RCAN2: variants seen among roughly 807,000 people sequenced by gnomAD.
RCAN2 encodes regulator of calcineurin 2.
A neutral mutation model predicts 23.6 loss-of-function variants in RCAN2; 9 were observed. The observed-to-expected ratio is 0.38, with a 90% CI of 0.23 to 0.67. RCAN2 has a LOEUF of 0.67. RCAN2 is among the 30% of genes least tolerant of loss of function. The pLI, the probability that RCAN2 is intolerant of heterozygous loss-of-function variation, is 0.51. For synonymous variants in RCAN2, 109 were observed against 115.7 expected (o/e 0.94, Z 0.37); for missense variants, 273 against 302.3 (o/e 0.90, Z 0.72).
At chr6:46,447,840 G>A (rs530872081) in intron 2 of RCAN2, among the ~76,000 whole-genome samples, 25 of 151,336 alleles carry the variant, frequency 1.7e-4, no homozygotes, top group Non-Finnish European at 3.7e-4. Context: ...ATGAGATACA[G>A]CAAAATATAT....
At chr6:46,345,909 A>C (rs1764468249) in intron 2 of RCAN2, among the ~76,000 whole-genome samples, 1 of 152,180 alleles carries the variant, frequency 6.6e-6, no homozygotes. Flanking sequence ...GCTCTTTTAA[A>C]GTAAATGAAC....
chr6:46,261,232 A>G (rs963354550), intron 2 of RCAN2, among the ~76,000 whole-genome samples: 1 of 152,216 alleles, frequency 6.6e-6, no homozygotes, highest in Non-Finnish European at 1.5e-5. Flanking sequence ...AATTTGTTTA[A>G]ATATTCATTT....
intron 2 of RCAN2, among the ~76,000 whole-genome samples, chr6:46,408,085 G>A (rs1461997411): frequency 1.3e-5 from 2 of 152,156 alleles, no homozygotes; most frequent in South Asian, 2.1e-4. Flanking sequence ...AACTTCTGAG[G>A]ATTTTCTGGT....
intron 2 of RCAN2, among the ~76,000 whole-genome samples, chr6:46,329,098 C>CA (rs796670398): frequency 2.7e-4 from 40 of 150,442 alleles, no homozygotes; most frequent in Admixed American, 4.0e-4. Context: ...ATTGGTGTTC[C>CA]AAAAAAAAAG....
At chr6:46,313,848 G>C (rs1035936183) in intron 2 of RCAN2, among the ~76,000 whole-genome samples, 2 of 152,162 alleles carry the variant, frequency 1.3e-5, no homozygotes, top group Non-Finnish European at 2.9e-5. Context: ...ACTGTTGTTA[G>C]TAATATGTAA....
At chr6:46,317,130 G>A (rs986626221) in intron 2 of RCAN2, among the ~76,000 whole-genome samples, 1 of 152,174 alleles carries the variant, frequency 6.6e-6, no homozygotes, top group Non-Finnish European at 1.5e-5. Context: ...AGGTGGAGGA[G>A]CTGTCAAACC....
intron 2 of RCAN2, among the ~76,000 whole-genome samples, chr6:46,455,013 T>A (rs2150431423): frequency 6.6e-6 from 1 of 152,336 alleles, no homozygotes; most frequent in Non-Finnish European, 1.5e-5. Context: ...TCATTAAATC[T>A]CTAAGGAAAA....
At chr6:46,286,757 C>A (rs1363639267) in intron 2 of RCAN2, among the ~76,000 whole-genome samples, 1 of 151,996 alleles carries the variant, frequency 6.6e-6, no homozygotes, top group Non-Finnish European at 1.5e-5. Flanking sequence ...AATCCCAGCA[C>A]TTTGGGAGGC....
At chr6:46,484,442 G>A (rs1768943332) in intron 1 of RCAN2, among the ~76,000 whole-genome samples, 1 of 152,122 alleles carries the variant, frequency 6.6e-6, no homozygotes. Flanking sequence ...AAGGGGAGCT[G>A]GTCAAAACCA....
intron 2 of RCAN2, among the ~76,000 whole-genome samples, chr6:46,426,908 G>T (rs763185056): frequency 6.6e-6 from 1 of 152,164 alleles, no homozygotes; most frequent in Non-Finnish European, 1.5e-5. Context: ...AGAGGATAGG[G>T]TTTAAGTAGC....
At chr6:46,231,046 C>T (rs1934525879) in intron 4 of RCAN2, among the ~76,000 whole-genome samples, 1 of 152,186 alleles carries the variant, frequency 6.6e-6, no homozygotes, top group Admixed American at 6.5e-5. Flanking sequence ...TGAGTCCCCT[C>T]AAAAGATGTT....
intron 2 of RCAN2, among the ~76,000 whole-genome samples, chr6:46,328,349 A>G (rs1250992624): frequency 6.6e-6 from 1 of 152,204 alleles, no homozygotes; most frequent in African/African-American, 2.4e-5. Flanking sequence ...TCCCTCCCAG[A>G]GGAATACATA....
At position 46,235,062 on chromosome 6, in the gene RCAN2, C is replaced by T. The variant is rs116060378; in HGVS notation, c.571+11686G>A. 7.9e-3 allele frequency among the ~76,000 whole-genome samples: 1,198 copies of T among 152,328 alleles called. 27 individuals carry two copies. Among genetic ancestry groups the T allele is most frequent in the African/African-American group, 0.028 (1,156 of 41,580 alleles). On this transcript the variant is annotated intron_variant, in intron 4 of 4. Coordinates refer to ENST00000371374, the MANE Select transcript of RCAN2 (RefSeq NM_001251974.2). ...GAGTTTCTCTCTCATGCCACCTTGG[C>T]TTACGGGCCATGACTTGGCCACCTC...
intron 2 of RCAN2, among the ~76,000 whole-genome samples, chr6:46,415,161 C>A (rs994397340): frequency 6.6e-6 from 1 of 152,132 alleles, no homozygotes; most frequent in East Asian, 1.9e-4. Flanking sequence ...CTGGCAACTG[C>A]GGAGGATAGA....
chr6:46,357,759 T>C (rs2066253), intron 2 of RCAN2, among the ~76,000 whole-genome samples: 1 of 152,214 alleles, frequency 6.6e-6, no homozygotes. Flanking sequence ...TAATAACTTA[T>C]TAACTAGGGT....
At chr6:46,380,628 G>T (rs149027669) in intron 2 of RCAN2, among the ~76,000 whole-genome samples, 2,152 of 152,262 alleles carry the variant, frequency 0.014, 22 homozygotes, top group Non-Finnish European at 0.024. Flanking sequence ...CCCACAGCAG[G>T]TTAAGAACCA....
At chr6:46,407,032 T>C (rs1207331894) in intron 2 of RCAN2, among the ~76,000 whole-genome samples, 4 of 152,202 alleles carry the variant, frequency 2.6e-5, no homozygotes, top group Non-Finnish European at 5.9e-5. Context: ...AAGCAAAGTC[T>C]GAGCTCCTGG....
intron 2 of RCAN2, among the ~76,000 whole-genome samples, chr6:46,347,209 T>C (rs2150376220): frequency 6.6e-6 from 1 of 152,324 alleles, no homozygotes; most frequent in East Asian, 1.9e-4. Flanking sequence ...ATTTGGATAA[T>C]GCAACACCAC....
chr6:46,333,968 T>C (rs1229548505), intron 2 of RCAN2, among the ~76,000 whole-genome samples: 4 of 152,218 alleles, frequency 2.6e-5, no homozygotes, highest in African/African-American at 9.6e-5. Flanking sequence ...CTGTGTTTCT[T>C]CCATTATGAT....
Sources: allele counts gnomAD v4.1 joint callset (sites outside exome capture counted in the v4.1 genomes callset), GRCh38; gene constraint gnomAD v4.1.1; transcripts MANE v1.5; gene names NCBI Gene and HGNC (gene_info 2026-07-23, HGNC 2026-07-21).